VAV3: variants seen among roughly 807,000 people sequenced by gnomAD.
VAV3 encodes guanine nucleotide exchange factor VAV3.
In VAV3, 94 loss-of-function variants were observed where a neutral mutation model predicts 131.2. The ratio of observed to expected loss-of-function variants is 0.72; its 90% CI spans 0.61 to 0.85. VAV3 has a LOEUF of 0.85. VAV3 is among the 40% of genes least tolerant of loss of function. The pLI, the probability that VAV3 is intolerant of heterozygous loss-of-function variation, is 0.00. For synonymous variants in VAV3, 349 were observed against 342.0 expected (o/e 1.02, Z -0.22); for missense variants, 939 against 1,002.7 (o/e 0.94, Z 0.86).
chr1:107,836,671 C>T (rs1668490355), intron 2 of VAV3, among the ~76,000 whole-genome samples: 1 of 152,116 alleles, frequency 6.6e-6, no homozygotes, highest in African/African-American at 2.4e-5. Flanking sequence ...TGTTAGACCA[C>T]TGTCTAGATG....
intron 1 of VAV3, among the ~76,000 whole-genome samples, chr1:107,945,391 T>C (rs1674201135): frequency 2.0e-5 from 3 of 152,218 alleles, no homozygotes; most frequent in Admixed American, 2.0e-4. Flanking sequence ...CTGCTACTAA[T>C]AACAGTTATT....
intron 1 of VAV3, among the ~76,000 whole-genome samples, chr1:107,957,852 T>C (rs979506499): frequency 2.0e-5 from 3 of 151,710 alleles, no homozygotes; most frequent in Admixed American, 6.6e-5. Flanking sequence ...CCCATTTGTA[T>C]TGCAAACATG....
intron 25 of VAV3, among the ~76,000 whole-genome samples, chr1:107,584,194 T>G (rs1480593706): frequency 6.6e-6 from 1 of 152,228 alleles, no homozygotes; most frequent in African/African-American, 2.4e-5. Context: ...CTGGGAAAAC[T>G]GGCTAGCCAT....
intron 21 of VAV3, among the ~76,000 whole-genome samples, chr1:107,612,186 A>ATATATATAT (rs1462353730): frequency 1.3e-5 from 2 of 149,814 alleles, no homozygotes; most frequent in African/African-American, 2.4e-5. Context: ...ATTGGTCTAT[A>ATATATATAT]TATATATATA....
chr1:107,942,956 G>A (rs933321960), intron 1 of VAV3, among the ~76,000 whole-genome samples: 6 of 152,154 alleles, frequency 3.9e-5, no homozygotes, highest in African/African-American at 1.2e-4. Context: ...CAAAACTCAC[G>A]TTTTCTTGTA....
At chr1:107,574,663 T>C (rs1294523605) in intron 25 of VAV3, among the ~76,000 whole-genome samples, 1 of 152,212 alleles carries the variant, frequency 6.6e-6, no homozygotes, top group Admixed American at 6.5e-5. Context: ...CAACGAAATA[T>C]TTTGCTCTGA....
chr1:107,779,709 T>C (rs1665580062), intron 2 of VAV3, among the ~76,000 whole-genome samples: 1 of 152,140 alleles, frequency 6.6e-6, no homozygotes, highest in African/African-American at 2.4e-5. Flanking sequence ...ACTTTATTAC[T>C]TTAAGTAGAT....
At chr1:107,631,528 C>A (rs1340201285) in intron 20 of VAV3, among the ~76,000 whole-genome samples, 2 of 151,378 alleles carry the variant, frequency 1.3e-5, no homozygotes, top group African/African-American at 4.9e-5. Context: ...GCACAATGTA[C>A]AGGTTAGTTA....
At position 107,813,668 on chromosome 1, in the gene VAV3, T is replaced by G. The variant is rs549648389; in HGVS notation, c.322-34176A>C. On this transcript the variant is annotated intron_variant, in intron 2 of 26. Coordinates refer to ENST00000370056, the MANE Select transcript of VAV3 (RefSeq NM_006113.5). The stretch of plus-strand genomic sequence containing the variant: ...AAATGTAATGCATTATTAACTATAC[T>G]CACTCTACTTTGCTATTGAACATTA... 1.7e-4 allele frequency among the ~76,000 whole-genome samples: 26 copies of G among 152,302 alleles called. No homozygotes were observed. In the East Asian group the frequency reaches 4.8e-3, roughly 28 times the overall value.
At chr1:107,908,394 G>A (rs918032165) in intron 1 of VAV3, among the ~76,000 whole-genome samples, 5 of 152,062 alleles carry the variant, frequency 3.3e-5, no homozygotes, top group South Asian at 2.1e-4. Flanking sequence ...AAGTAAGATC[G>A]GTTATTACCA....
chr1:107,763,237 G>A (rs955207827), intron 9 of VAV3, among the ~76,000 whole-genome samples: 1 of 152,070 alleles, frequency 6.6e-6, no homozygotes, highest in African/African-American at 2.4e-5. Flanking sequence ...AGGACAGCAG[G>A]GGCACCTCAC....
At position 107,573,209 on chromosome 1, in the gene VAV3, A is replaced by G; in HGVS notation, c.*122T>C. The G allele has an allele frequency of 9.7e-7, 1 of 1,031,362 alleles. No individual in the cohort carries two copies. Among genetic ancestry groups the G allele is most frequent in the Non-Finnish European group, 1.4e-6 (1 of 698,736 alleles). 63.9% of individuals were successfully genotyped at this position (1,031,362 alleles called of 1,614,324 possible). On this transcript the variant is annotated 3_prime_UTR_variant, in exon 27 of 27. Coordinates refer to ENST00000370056, the MANE Select transcript of VAV3 (RefSeq NM_006113.5). ...AAGACTTAGGAGGGGCTAAGGAGGG[A>G]GGATGTTGAACAGCCAGAAATGCAG...
intron 2 of VAV3, among the ~76,000 whole-genome samples, chr1:107,797,923 A>G (rs1039664924): frequency 6.6e-6 from 1 of 152,176 alleles, no homozygotes; most frequent in South Asian, 2.1e-4. Context: ...TACTTCTAGC[A>G]AGTTCTCAGA....
intron 20 of VAV3, among the ~76,000 whole-genome samples, chr1:107,629,987 C>A (rs1654328329): frequency 6.6e-6 from 1 of 152,066 alleles, no homozygotes; most frequent in Non-Finnish European, 1.5e-5. Flanking sequence ...AGCATAACTT[C>A]TCAAAAATTT....
At chr1:107,754,060 G>C (rs887676963) in intron 12 of VAV3, among the ~76,000 whole-genome samples, 1 of 152,106 alleles carries the variant, frequency 6.6e-6, no homozygotes, top group African/African-American at 2.4e-5. Flanking sequence ...CTGTAGAAAC[G>C]TATGTCAAAT....
chr1:107,815,189 A>G (rs189189890), intron 2 of VAV3, among the ~76,000 whole-genome samples: 2 of 152,276 alleles, frequency 1.3e-5, no homozygotes, highest in African/African-American at 4.8e-5. Context: ...TAGGAAGAAA[A>G]TCCCACATCC....
chr1:107,822,714 C>A (rs1457467364), intron 2 of VAV3, among the ~76,000 whole-genome samples: 5 of 151,424 alleles, frequency 3.3e-5, no homozygotes, highest in African/African-American at 1.2e-4. Context: ...TAAATGATCT[C>A]TTCGAAAAAA....
rs766061490 is a variant in VAV3 at position 107,874,960 on chromosome 1, T to C, written c.262A>G (p.Met88Val). ...FLTACCETFG[M>V]RKSELFEAFD... Reference sequence around the variant, plus strand: ...GCCTCGAAAAGTTCACTTTTCCTCATTCCAAACGTCTCACAACAGGCCGTG... The same window carrying C: ...GCCTCGAAAAGTTCACTTTTCCTCACTCCAAACGTCTCACAACAGGCCGTG... Residue 88 changes from methionine to valine, a missense_variant, in exon 2 of 27, where the codon ATG (methionine) becomes GTG (valine). Physicochemically the swap from Met to Val is conservative, Grantham distance 21. Coordinates refer to ENST00000370056, the MANE Select transcript of VAV3 (RefSeq NM_006113.5). The C allele has an allele frequency of 6.2e-7, 1 of 1,613,456 alleles. No individual in the cohort carries two copies. The highest frequency in any genetic ancestry group is 8.5e-7 in the Non-Finnish European group (1 of 1,179,582).
chr1:107,772,939 G>A, intron 4 of VAV3, 96 bp from the exon 5 acceptor site: 1 of 1,077,244 alleles, frequency 9.3e-7, no homozygotes, highest in South Asian at 1.5e-5. Flanking sequence ...AATCCAGAAA[G>A]GAAATAAAAT....
Sources: allele counts gnomAD v4.1 joint callset (sites outside exome capture counted in the v4.1 genomes callset), GRCh38; gene constraint gnomAD v4.1.1; transcripts MANE v1.5; gene names NCBI Gene and HGNC (gene_info 2026-07-23, HGNC 2026-07-21).